Variants in FILIP1L observed in about 807,000 individuals in gnomAD.
FILIP1L encodes filamin A-interacting protein 1-like.
Under a neutral mutation model 96.6 loss-of-function variants are expected in FILIP1L, and 55 were observed. The observed-to-expected ratio is 0.57, with a 90% CI of 0.46 to 0.71. FILIP1L has a LOEUF of 0.71. Ranked by LOEUF, FILIP1L falls within the 30% of genes least tolerant of loss-of-function variation. FILIP1L has a pLI of 0.00. For synonymous variants in FILIP1L, 467 were observed against 473.9 expected, an observed-to-expected ratio of 0.99 and a Z score of 0.19; for missense variants, 1,304 against 1,321.2, an observed-to-expected ratio of 0.99 and a Z score of 0.20.
At chr3:99,838,377 T>C (rs1446362783) in intron 5 of FILIP1L, among the ~76,000 whole-genome samples, 1 of 152,160 alleles carries the variant, frequency 6.6e-6, no homozygotes, top group East Asian at 1.9e-4. Flanking sequence ...ATGGTGATCA[T>C]GGGAGGTTTC....
At chr3:99,892,506 T>C (rs1706115632) in intron 4 of FILIP1L, among the ~76,000 whole-genome samples, 1 of 152,244 alleles carries the variant, frequency 6.6e-6, no homozygotes, top group Admixed American at 6.5e-5. Context: ...TGGCAGGTTC[T>C]AGACATAGCA....
intron 1 of FILIP1L, among the ~76,000 whole-genome samples, chr3:100,089,359 G>T (rs2066065361): frequency 6.6e-6 from 1 of 152,108 alleles, no homozygotes; most frequent in African/African-American, 2.4e-5. Flanking sequence ...AGATTTACTT[G>T]GTTTTCCTGT....
chr3:99,945,514 A>G (rs74557702), intron 1 of FILIP1L, among the ~76,000 whole-genome samples: 407 of 152,238 alleles, frequency 2.7e-3, no homozygotes, highest in African/African-American at 8.7e-3. Flanking sequence ...TAAGTAAATA[A>G]ATGGATGTCA....
At chr3:100,060,951 G>A (rs1327219437) in intron 1 of FILIP1L, among the ~76,000 whole-genome samples, 2 of 152,166 alleles carry the variant, frequency 1.3e-5, no homozygotes, top group African/African-American at 4.8e-5. Flanking sequence ...GGAAGTGCAA[G>A]TTGCAGAACC....
Position 99,850,344 on chromosome 3 carries a change from C to T in FILIP1L, c.1332G>A (p.Leu444=), listed in dbSNP as rs9828782. 1,433 of 1,612,976 alleles carry T rather than the reference C, an allele frequency of 8.9e-4. 10 individuals carry two copies. The African/African-American group carries it at 0.017, about 19-fold the overall frequency. Residue 444 remains leucine (L), a synonymous_variant, in exon 5 of 6, where the codon CTG becomes CTA. Transcript: ENST00000477258. ...TCCTTTCTTTTTCTAAATTGCATTT[C>T]AGAGAGTAGCATTCTTGTTTGCTTT... ...FNKSKQECYS[L]KCNLEKERMT...
chr3:99,953,452 C>A (rs1404832721), intron 1 of FILIP1L, among the ~76,000 whole-genome samples: 1 of 152,126 alleles, frequency 6.6e-6, no homozygotes, highest in Non-Finnish European at 1.5e-5. Context: ...GCCTTTATGT[C>A]ACTTTGTCTG....
chr3:99,972,501 A>G (rs929124582), intron 1 of FILIP1L, among the ~76,000 whole-genome samples: 4 of 152,190 alleles, frequency 2.6e-5, no homozygotes, highest in Non-Finnish European at 4.4e-5. Context: ...TATAATAATA[A>G]CAGATTGGTG....
intron 1 of FILIP1L, among the ~76,000 whole-genome samples, chr3:100,069,200 C>A (rs1413384160): frequency 6.6e-6 from 1 of 152,110 alleles, no homozygotes; most frequent in Non-Finnish European, 1.5e-5. Context: ...TCACTGAGGT[C>A]CTTTAAAAAG....
intron 1 of FILIP1L, among the ~76,000 whole-genome samples, chr3:100,111,867 A>G (rs1360775508): frequency 1.3e-5 from 2 of 152,226 alleles, no homozygotes; most frequent in Admixed American, 1.3e-4. Context: ...TTTGATGCTG[A>G]GATGGTATCT....
intron 4 of FILIP1L, among the ~76,000 whole-genome samples, chr3:99,905,805 A>G (rs1706597331): frequency 6.6e-6 from 1 of 152,242 alleles, no homozygotes; most frequent in South Asian, 2.1e-4. Context: ...ATTAATGGAA[A>G]TGCAACTTCA....
intron 4 of FILIP1L, among the ~76,000 whole-genome samples, chr3:99,900,605 T>C (rs1179430138): frequency 6.6e-6 from 1 of 152,200 alleles, no homozygotes; most frequent in Non-Finnish European, 1.5e-5. Flanking sequence ...AGTTATTTGT[T>C]CCAACCATTT....
chr3:99,945,082 A>G (rs1707968261), intron 1 of FILIP1L, among the ~76,000 whole-genome samples: 1 of 152,122 alleles, frequency 6.6e-6, no homozygotes, highest in African/African-American at 2.4e-5. Flanking sequence ...GCATCAAGGA[A>G]AATACACAGA....
At chr3:99,866,478 G>C (rs111358437) in intron 4 of FILIP1L, among the ~76,000 whole-genome samples, 1 of 152,288 alleles carries the variant, frequency 6.6e-6, no homozygotes, top group African/African-American at 2.4e-5. Context: ...ATAGAAACAG[G>C]ATGGATAGCA....
intron 4 of FILIP1L, chr3:99,898,421 T>A (rs1035127599): frequency 6.6e-6 from 1 of 152,340 alleles, no homozygotes; most frequent in East Asian, 1.9e-4. Context: ...TTATGTTTTG[T>A]GGTGACAAAT....
intron 1 of FILIP1L, chr3:100,041,356 A>C (rs1197476077): frequency 6.6e-6 from 1 of 152,164 alleles, no homozygotes; most frequent in Non-Finnish European, 1.5e-5. Context: ...AGATGAATGT[A>C]ACTTCAGGTC....
chr3:99,937,358 A>C (rs1707711748), intron 1 of FILIP1L, among the ~76,000 whole-genome samples: 1 of 152,216 alleles, frequency 6.6e-6, no homozygotes, highest in Non-Finnish European at 1.5e-5. Flanking sequence ...TTCAATAAAG[A>C]TGTTCTGTTT....
chr3:99,845,922 A>G (rs1482105897), intron 5 of FILIP1L, among the ~76,000 whole-genome samples: 1 of 152,258 alleles, frequency 6.6e-6, no homozygotes, highest in Non-Finnish European at 1.5e-5. Context: ...TGTTAGATTA[A>G]CTACTTAGGA....
intron 1 of FILIP1L, among the ~76,000 whole-genome samples, chr3:100,093,790 A>ATGT (rs2066155267): frequency 6.6e-6 from 1 of 152,258 alleles, no homozygotes; most frequent in Non-Finnish European, 1.5e-5. Flanking sequence ...ATATAAATAG[A>ATGT]ATCATACAAC....
At chr3:99,854,403 T>C (rs968841957) in intron 4 of FILIP1L, among the ~76,000 whole-genome samples, 2 of 152,196 alleles carry the variant, frequency 1.3e-5, no homozygotes, top group Admixed American at 6.5e-5. Flanking sequence ...TTTATGATCT[T>C]CAAAGTAGCA....
Sources: allele counts gnomAD v4.1 joint callset (sites outside exome capture counted in the v4.1 genomes callset), GRCh38; gene constraint gnomAD v4.1.1; transcripts MANE v1.5; gene names NCBI Gene and HGNC (gene_info 2026-07-23, HGNC 2026-07-21).